Variants in DDAH1 observed in about 807,000 individuals in gnomAD.
DDAH1 encodes dimethylarginine dimethylaminohydrolase 1, also known as N(G),N(G)-dimethylarginine dimethylaminohydrolase 1.
In DDAH1, 19 loss-of-function variants were observed where a neutral mutation model predicts 28.8. The ratio of observed to expected loss-of-function variants is 0.66; its 90% CI spans 0.46 to 0.97. DDAH1 has a LOEUF of 0.97. Among genes scored for constraint, DDAH1 ranks in the 50% least tolerant of loss-of-function variants. The probability of loss-of-function intolerance (pLI) is 0.00; values close to 1 mark genes in which losing one functional copy is unlikely to be tolerated. For synonymous variants in DDAH1, 153 were observed against 154.4 expected (o/e 0.99, Z 0.07); for missense variants, 326 against 375.9 (o/e 0.87, Z 1.10).
At chr1:85,353,610 T>A in intron 2 of DDAH1, among the ~76,000 whole-genome samples, 1 of 152,068 alleles carries the variant, frequency 6.6e-6, no homozygotes, top group South Asian at 2.1e-4. Context: ...GTATTTTACT[T>A]GAAAAAAGTA....
At chr1:85,575,163 C>G (rs1313245601) in intron 1 of DDAH1, among the ~76,000 whole-genome samples, 1 of 152,038 alleles carries the variant, frequency 6.6e-6, no homozygotes, top group Non-Finnish European at 1.5e-5. Context: ...CCCAGGAGGT[C>G]AAGGCTATGG....
chr1:85,566,090 A>AC (rs987019776), intron 1 of DDAH1, among the ~76,000 whole-genome samples: 32 of 151,508 alleles, frequency 2.1e-4, no homozygotes, highest in African/African-American at 7.3e-4. Context: ...TCAAAAAAAA[A>AC]AACAACCAAA....
At chr1:85,331,791 G>A (rs1647785426) in intron 4 of DDAH1, among the ~76,000 whole-genome samples, 1 of 152,180 alleles carries the variant, frequency 6.6e-6, no homozygotes, top group South Asian at 2.1e-4. Flanking sequence ...TGTTTCCCCA[G>A]CAAAGAAGAG....
rs1661323490 is a variant in DDAH1, at chr1:85,321,223, A to G, written c.*229T>C. ...CATTTTGATAATTCATTAGCTCTGT[A>G]TCTTCTAGGTTGCTTAATTCATTTA... On this transcript the variant is annotated 3_prime_UTR_variant, in exon 6 of 6. Transcript: ENST00000284031. 5 of 464,400 alleles carry G rather than the reference A, an allele frequency of 1.1e-5. No homozygotes were observed. Among genetic ancestry groups the G allele is most frequent in the South Asian group, 3.9e-5 (1 of 25,874 alleles). The allele number at this position is 464,400 out of a possible 1,614,324, so 28.8% of individuals were successfully genotyped here.
chr1:85,537,476 A>AC lies in DDAH1; in HGVS notation c.-123+40507_-123+40508insG, dbSNP rs1299189420. On this transcript the variant is annotated intron_variant, in intron 1 of 6. Coordinates refer to the DDAH1 transcript ENST00000426972. Reference sequence around the variant, plus strand: ...CACTCACATGTGGAATCTGAAAAAAAAAAAAGATTGCTATCACAGAAGCAG... The same window carrying AC: ...CACTCACATGTGGAATCTGAAAAAAACAAAAAGATTGCTATCACAGAAGCAG... Among the ~76,000 whole-genome samples, 5 of 144,110 alleles carry AC rather than the reference A, an allele frequency of 3.5e-5. No homozygotes were observed. In the Admixed American group the frequency reaches 3.5e-4, roughly 10 times the overall value. The allele number at this position is 144,110 out of a possible 152,430, so 94.5% of individuals were successfully genotyped here.
At chr1:85,454,286 A>G (rs1169837866) in intron 1 of DDAH1, among the ~76,000 whole-genome samples, 2 of 152,200 alleles carry the variant, frequency 1.3e-5, no homozygotes, top group Admixed American at 1.3e-4. Context: ...CCCCCTCTTC[A>G]TGTTCCCCGA....
chr1:85,575,233 AAAAACAAAACAAAAC>A (rs527513039), intron 1 of DDAH1, among the ~76,000 whole-genome samples: 1 of 152,134 alleles, frequency 6.6e-6, no homozygotes, highest in African/African-American at 2.4e-5. Context: ...CATGTTACAA[AAAAACAAAACAAAAC>A]AAAACAAAAC....
intron 2 of DDAH1, among the ~76,000 whole-genome samples, chr1:85,352,466 T>A (rs1362340013): frequency 4.6e-5 from 7 of 152,144 alleles, no homozygotes; most frequent in Admixed American, 4.6e-4. Flanking sequence ...CAATAAATGA[T>A]GTCGTAGGAA....
At chr1:85,417,231 G>A (rs1002833599) in intron 1 of DDAH1, among the ~76,000 whole-genome samples, 1 of 152,182 alleles carries the variant, frequency 6.6e-6, no homozygotes, top group East Asian at 1.9e-4. Context: ...GAAGCACAGC[G>A]TGCAGCCAGG....
intron 1 of DDAH1, among the ~76,000 whole-genome samples, chr1:85,371,537 G>T (rs1570446878): frequency 6.6e-6 from 1 of 152,140 alleles, no homozygotes; most frequent in South Asian, 2.1e-4. Flanking sequence ...AGTAGCATAA[G>T]ATTTTATTAT....
intron 1 of DDAH1, among the ~76,000 whole-genome samples, chr1:85,441,109 GATA>G (rs2100652652): frequency 6.6e-6 from 1 of 152,340 alleles, no homozygotes; most frequent in African/African-American, 2.4e-5. Context: ...GACAGATGCA[GATA>G]ATAACAGAAT....
At chr1:85,445,501 T>G (rs2100660474) in intron 1 of DDAH1, among the ~76,000 whole-genome samples, 1 of 152,310 alleles carries the variant, frequency 6.6e-6, no homozygotes, top group East Asian at 1.9e-4. Context: ...GGACAGACGG[T>G]TAACGTAAAA....
chr1:85,383,352 T>G (rs1483688507), intron 1 of DDAH1, among the ~76,000 whole-genome samples: 1 of 152,210 alleles, frequency 6.6e-6, no homozygotes, highest in Non-Finnish European at 1.5e-5. Flanking sequence ...GAATTAGAAG[T>G]GCAGCCTGAA....
intron 1 of DDAH1, among the ~76,000 whole-genome samples, chr1:85,384,947 C>T (rs1378515989): frequency 6.6e-6 from 1 of 152,188 alleles, no homozygotes; most frequent in Admixed American, 6.5e-5. Flanking sequence ...ACAACCTTAA[C>T]TCTAATGGAA....
At chr1:85,566,939 G>T (rs1231347924) in intron 1 of DDAH1, among the ~76,000 whole-genome samples, 1 of 152,198 alleles carries the variant, frequency 6.6e-6, no homozygotes, top group Non-Finnish European at 1.5e-5. Context: ...CCAGCCTGAA[G>T]GCCAGCAGGC....
intron 1 of DDAH1, among the ~76,000 whole-genome samples, chr1:85,531,736 G>A (rs1163134300): frequency 5.4e-5 from 8 of 147,112 alleles, no homozygotes; most frequent in Non-Finnish European, 8.9e-5. Flanking sequence ...AGGCCGATAC[G>A]TGTATAATGC....
chr1:85,453,708 A>G (rs972706229), intron 1 of DDAH1, among the ~76,000 whole-genome samples: 1 of 152,360 alleles, frequency 6.6e-6, no homozygotes, highest in Non-Finnish European at 1.5e-5. Context: ...AATAGGCACC[A>G]TTACCAACAA....
intron 1 of DDAH1, among the ~76,000 whole-genome samples, chr1:85,429,376 T>C (rs552577626): frequency 1.3e-5 from 2 of 152,320 alleles, no homozygotes; most frequent in South Asian, 4.1e-4. Flanking sequence ...TAGTATTCCA[T>C]GGTGTATATG....
Position 85,464,589 on chromosome 1 carries a change from G to GACACACAC in DDAH1, c.303+146_303+153dup, listed in dbSNP as rs4001153. 3 of 1,375,852 alleles carry GACACACAC rather than the reference G, an allele frequency of 2.2e-6. No homozygotes were observed. The highest frequency in any genetic ancestry group is 1.4e-5 in the African/African-American group (1 of 70,304). 85.2% of individuals were successfully genotyped at this position (1,375,852 alleles called of 1,614,324 possible). A position where few individuals can be genotyped will look rare whatever the true frequency, so the allele number is the denominator to read the frequency against. On this transcript the variant is annotated intron_variant, in intron 1 of 5. Coordinates refer to ENST00000284031, the MANE Select transcript of DDAH1 (RefSeq NM_012137.4). The surrounding 1 kb of genome is among the most constrained non-coding windows in gnomAD (Gnocchi z 4.4). ...ACAATGAACTTCTCTCTGACTCTCT[G>GACACACAC]ACACACACACACACACACACACTCG...
Sources: allele counts gnomAD v4.1 joint callset (sites outside exome capture counted in the v4.1 genomes callset), GRCh38; gene constraint gnomAD v4.1.1; non-coding constraint Gnocchi (gnomAD v3.1); transcripts MANE v1.5; gene names NCBI Gene and HGNC (gene_info 2026-07-23, HGNC 2026-07-21).